DENND1A: variants seen among roughly 807,000 people sequenced by gnomAD.
DENND1A encodes DENN domain containing 1A.
DENND1A carries 51 observed loss-of-function variants against 113.7 expected under a neutral mutation model. The observed-to-expected ratio is 0.45, with a 90% CI of 0.36 to 0.57. The LOEUF (loss-of-function observed/expected upper bound fraction) is 0.57, where lower values mean the gene tolerates loss of function less well. DENND1A is among the 20% of genes least tolerant of loss of function. The pLI, the probability that DENND1A is intolerant of heterozygous loss-of-function variation, is 0.00. For missense variants in DENND1A, 1,258 were observed against 1,395.9 expected (o/e 0.90, Z 1.57); for synonymous variants, 565 against 570.8 (o/e 0.99, Z 0.14).
intron 19 of DENND1A, among the ~76,000 whole-genome samples, chr9:123,436,852 A>G (rs1299793060): frequency 1.3e-5 from 2 of 152,050 alleles, no homozygotes; most frequent in Non-Finnish European, 2.9e-5. Flanking sequence ...GGTTCAAGCA[A>G]TTCTCATGCC....
chr9:123,529,204 G>C (rs965244846), intron 13 of DENND1A, among the ~76,000 whole-genome samples: 45 of 151,962 alleles, frequency 3.0e-4, no homozygotes, highest in African/African-American at 9.9e-4. Flanking sequence ...GCCCAAGCTG[G>C]GTGGTATGAG....
At chr9:123,680,139 G>A (rs1352926043) in intron 5 of DENND1A, among the ~76,000 whole-genome samples, 1 of 152,116 alleles carries the variant, frequency 6.6e-6, no homozygotes, top group African/African-American at 2.4e-5. Flanking sequence ...GATGATCATG[G>A]AGCATCATCA....
At chr9:123,845,670 C>CAAAAA (rs555731367) in intron 2 of DENND1A, among the ~76,000 whole-genome samples, 117 of 44,084 alleles carry the variant, frequency 2.7e-3, no homozygotes, top group Non-Finnish European at 3.4e-3. Flanking sequence ...AACCTGTCTC[C>CAAAAA]AAAAAAAAAA....
intron 11 of DENND1A, among the ~76,000 whole-genome samples, chr9:123,590,232 G>A (rs1165738695): frequency 6.6e-6 from 1 of 152,154 alleles, no homozygotes; most frequent in Admixed American, 6.5e-5. Flanking sequence ...CGTTGACTGT[G>A]ACTTACTTAG....
chr9:123,614,432 TA>T (rs554471836), intron 10 of DENND1A, among the ~76,000 whole-genome samples: 27 of 152,324 alleles, frequency 1.8e-4, no homozygotes, highest in Admixed American at 4.6e-4. Flanking sequence ...ACTGCAGACT[TA>T]CTAACGATCC....
intron 5 of DENND1A, among the ~76,000 whole-genome samples, chr9:123,742,215 T>C (rs1481238284): frequency 6.7e-6 from 1 of 149,576 alleles, no homozygotes; most frequent in Non-Finnish European, 1.5e-5. Context: ...TTAAGGGGCG[T>C]CCTCTGTTTC....
chr9:123,485,582 C>G (rs556743100), intron 13 of DENND1A: 2 of 150,574 alleles, frequency 1.3e-5, no homozygotes, highest in Non-Finnish European at 3.0e-5. Flanking sequence ...GCTGAAAGAC[C>G]TTACCTCTCC....
At chr9:123,674,716 C>A (rs76236230) in intron 6 of DENND1A, among the ~76,000 whole-genome samples, 2,536 of 152,282 alleles carry the variant, frequency 0.017, 57 homozygotes, top group African/African-American at 0.056. Context: ...GAAAGGTTCA[C>A]CAGTTTTACA....
At chr9:123,753,662 T>G (rs2070266093) in intron 5 of DENND1A, among the ~76,000 whole-genome samples, 1 of 152,108 alleles carries the variant, frequency 6.6e-6, no homozygotes, top group Admixed American at 6.5e-5. Context: ...CTGATCCCAA[T>G]GCACACAATA....
chr9:123,513,023 C>T (rs1283707233), intron 13 of DENND1A, among the ~76,000 whole-genome samples: 1 of 152,210 alleles, frequency 6.6e-6, no homozygotes, highest in African/African-American at 2.4e-5. Context: ...AGATACATAA[C>T]CTGTAGCTCT....
At chr9:123,546,582 A>G (rs1310034990) in intron 13 of DENND1A, among the ~76,000 whole-genome samples, 1 of 152,042 alleles carries the variant, frequency 6.6e-6, no homozygotes, top group Non-Finnish European at 1.5e-5. Context: ...AAGTATCTCT[A>G]TTGTGCAACA....
At chr9:123,785,860 A>G (rs1292257497) in intron 3 of DENND1A, among the ~76,000 whole-genome samples, 2 of 152,204 alleles carry the variant, frequency 1.3e-5, no homozygotes, top group South Asian at 2.1e-4. Context: ...AGAAATACGG[A>G]AAGTGAGCCT....
intron 13 of DENND1A, among the ~76,000 whole-genome samples, chr9:123,511,365 A>G (rs1228729007): frequency 6.6e-6 from 1 of 152,244 alleles, no homozygotes; most frequent in Non-Finnish European, 1.5e-5. Context: ...GTGCCATGTC[A>G]GGCACAGAGT....
intron 7 of DENND1A, among the ~76,000 whole-genome samples, chr9:123,668,747 T>C (rs1375787784): frequency 1.3e-5 from 2 of 152,246 alleles, no homozygotes; most frequent in Admixed American, 6.5e-5. Context: ...CTTCGATGCA[T>C]TATTCCAAAA....
chr9:123,630,006 T>C (rs1172079413), intron 10 of DENND1A, among the ~76,000 whole-genome samples: 2 of 151,964 alleles, frequency 1.3e-5, no homozygotes, highest in African/African-American at 2.4e-5. Context: ...TGCAATCAGG[T>C]GGTCTTAAAT....
intron 13 of DENND1A, among the ~76,000 whole-genome samples, chr9:123,481,237 T>A (rs2050311616): frequency 6.6e-6 from 1 of 152,006 alleles, no homozygotes; most frequent in African/African-American, 2.4e-5. Context: ...GGAAGAAAAA[T>A]TATGAGGCTA....
At chr9:123,515,092 A>G (rs1296401853) in intron 13 of DENND1A, among the ~76,000 whole-genome samples, 2 of 152,246 alleles carry the variant, frequency 1.3e-5, no homozygotes, top group African/African-American at 4.8e-5. Context: ...AAAAAGCAAG[A>G]GAGACTATCC....
chr9:123,888,342 C>G (rs752437919), intron 1 of DENND1A, among the ~76,000 whole-genome samples: 1 of 152,130 alleles, frequency 6.6e-6, no homozygotes, highest in Non-Finnish European at 1.5e-5. Flanking sequence ...AAACAAGAAG[C>G]CATGAGTTCA....
chr9:123,641,634 G>A (rs1020813884), intron 9 of DENND1A, among the ~76,000 whole-genome samples: 1 of 152,098 alleles, frequency 6.6e-6, no homozygotes, highest in African/African-American at 2.4e-5. Flanking sequence ...CTTTTTAAGT[G>A]CCAGTCGGTA....
Sources: gnomAD v4.1 joint callset for allele counts (sites outside exome capture counted in the v4.1 genomes callset) on GRCh38, gnomAD v4.1.1 for gene constraint, MANE v1.5 for transcripts, NCBI Gene and HGNC (gene_info 2026-07-23, HGNC 2026-07-21) for gene names.